The following MARCHF10 variants were observed in gnomAD, a reference collection of about 807,000 sequenced individuals.
MARCHF10 encodes the protein membrane associated ring-CH-type finger 10.
MARCHF10 carries 64 observed loss-of-function variants against 76.2 expected under a neutral mutation model. The ratio of observed to expected loss-of-function variants is 0.84; its 90% CI spans 0.69 to 1.03. MARCHF10 has a LOEUF of 1.03. MARCHF10 is among the 50% of genes least tolerant of loss of function. The probability of loss-of-function intolerance (pLI) is 0.00; values close to 1 mark genes in which losing one functional copy is unlikely to be tolerated. For synonymous variants in MARCHF10, 340 were observed against 357.5 expected (o/e 0.95, Z 0.55); for missense variants, 875 against 958.0 (o/e 0.91, Z 1.14).
intron 8 of MARCHF10, among the ~76,000 whole-genome samples, chr17:62,716,157 G>T (rs1398357614): frequency 6.6e-6 from 1 of 152,216 alleles, no homozygotes; most frequent in African/African-American, 2.4e-5. Context: ...GGCCTGCATG[G>T]TCCTTGTTTT....
chr17:62,768,899 T>C (rs1316606679), intron 3 of MARCHF10, among the ~76,000 whole-genome samples: 3 of 152,230 alleles, frequency 2.0e-5, no homozygotes, highest in Non-Finnish European at 2.9e-5. Flanking sequence ...AGATGTCTTT[T>C]TGGGTATACA....
chr17:62,773,303 A>G (rs955844604), intron 3 of MARCHF10, among the ~76,000 whole-genome samples: 4 of 152,172 alleles, frequency 2.6e-5, no homozygotes, highest in African/African-American at 9.7e-5. Flanking sequence ...AGCTGCTGTG[A>G]GGTCAAGCAC....
chr17:62,708,243 C>CTTTTTTTTTTTTTTTTTTTTTT (rs60147578), intron 9 of MARCHF10, among the ~76,000 whole-genome samples: 1 of 144,568 alleles, frequency 6.9e-6, no homozygotes, highest in Non-Finnish European at 1.5e-5. Flanking sequence ...AAAGTAGGTT[C>CTTTTTTTTTTTTTTTTTTTTTT]TTTTTTTTTT....
At chr17:62,795,677 C>T (rs1478987021) in intron 2 of MARCHF10, among the ~76,000 whole-genome samples, 1 of 152,188 alleles carries the variant, frequency 6.6e-6, no homozygotes, top group East Asian at 1.9e-4. Flanking sequence ...GAATGGTTTA[C>T]ACAAGAGGTT....
intron 1 of MARCHF10, among the ~76,000 whole-genome samples, chr17:62,804,424 C>T (rs978401425): frequency 6.6e-6 from 1 of 152,022 alleles, no homozygotes; most frequent in African/African-American, 2.4e-5. Flanking sequence ...ATTTAGAGAA[C>T]AAGCCGCTGA....
At chr17:62,783,924 C>T (rs548510767) in intron 3 of MARCHF10, among the ~76,000 whole-genome samples, 4 of 152,318 alleles carry the variant, frequency 2.6e-5, no homozygotes, top group South Asian at 4.1e-4. Context: ...GATGGATTCA[C>T]AGCCGAATTC....
chr17:62,747,926 C>T (rs1287109420), intron 4 of MARCHF10, among the ~76,000 whole-genome samples: 1 of 152,178 alleles, frequency 6.6e-6, no homozygotes, highest in African/African-American at 2.4e-5. Flanking sequence ...CAAGATGTTG[C>T]CTCATGACCT....
intron 8 of MARCHF10, among the ~76,000 whole-genome samples, chr17:62,717,846 A>G (rs2147660099): frequency 6.6e-6 from 1 of 152,274 alleles, no homozygotes; most frequent in South Asian, 2.1e-4. Context: ...CTTCCCACCC[A>G]GATCCTGGCT....
At chr17:62,740,406 C>T (rs1003991127) in intron 5 of MARCHF10, among the ~76,000 whole-genome samples, 1 of 152,180 alleles carries the variant, frequency 6.6e-6, no homozygotes. Flanking sequence ...GTGTGCTTGA[C>T]CAATAGTTTC....
intron 2 of MARCHF10, among the ~76,000 whole-genome samples, chr17:62,794,288 C>T (rs2092948450): frequency 1.3e-5 from 2 of 152,150 alleles, no homozygotes; most frequent in Admixed American, 6.5e-5. Flanking sequence ...ACTGCTGCCT[C>T]CACCACCACT....
chr17:62,732,014 A>T (rs2091045022), intron 6 of MARCHF10, among the ~76,000 whole-genome samples: 1 of 152,220 alleles, frequency 6.6e-6, no homozygotes, highest in Non-Finnish European at 1.5e-5. Context: ...CAAAGAGTTA[A>T]AATTAGAATT....
chr17:62,805,878 C>A (rs2093155173), intron 1 of MARCHF10, among the ~76,000 whole-genome samples: 2 of 150,480 alleles, frequency 1.3e-5, no homozygotes. Flanking sequence ...CACCACTGCA[C>A]TCCAGAGAGA....
At chr17:62,799,835 G>A (rs757038453) in intron 2 of MARCHF10, among the ~76,000 whole-genome samples, 4 of 152,062 alleles carry the variant, frequency 2.6e-5, no homozygotes, top group Non-Finnish European at 4.4e-5. Context: ...CTGGGTTCAT[G>A]TGTTCCAGCC....
chr17:62,800,966 T>C (rs376326269), intron 2 of MARCHF10, among the ~76,000 whole-genome samples: 3 of 152,310 alleles, frequency 2.0e-5, no homozygotes, highest in East Asian at 3.9e-4. Flanking sequence ...TTACAAATGG[T>C]AGGGCGACCC....
At chr17:62,774,609 G>A (rs2092513178) in intron 3 of MARCHF10, among the ~76,000 whole-genome samples, 1 of 152,152 alleles carries the variant, frequency 6.6e-6, no homozygotes, top group African/African-American at 2.4e-5. Context: ...CTGCGCTGCA[G>A]GGAGGATGCA....
rs138318802 is a variant in MARCHF10 at position 62,782,667 on chromosome 17, A to G, written c.210+5813T>C. ...GCCAAACGACTGTATTTTAATAAAAATTGGGCTAGGGGTTCAAATCTGGGA... is the reference window on the plus strand; with the variant it reads ...GCCAAACGACTGTATTTTAATAAAAGTTGGGCTAGGGGTTCAAATCTGGGA... On this transcript the variant is annotated intron_variant, in intron 3 of 10. Transcript: ENST00000311269. 2.0e-3 allele frequency among the ~76,000 whole-genome samples: 306 copies of G among 152,180 alleles called. 1 individual carries two copies. Among genetic ancestry groups the G allele is most frequent in the African/African-American group, 7.2e-3 (297 of 41,532 alleles).
chr17:62,770,132 T>C (rs1260220475), intron 3 of MARCHF10, among the ~76,000 whole-genome samples: 1 of 152,226 alleles, frequency 6.6e-6, no homozygotes, highest in Non-Finnish European at 1.5e-5. Flanking sequence ...TGGGTTTTTG[T>C]TCCTGCGTTA....
chr17:62,789,049 G>A (rs1374206796), intron 2 of MARCHF10, among the ~76,000 whole-genome samples: 1 of 107,602 alleles, frequency 9.3e-6, no homozygotes, highest in African/African-American at 3.7e-5. Context: ...CGGCCTGGGC[G>A]ACAGAGCGAG....
intron 3 of MARCHF10, among the ~76,000 whole-genome samples, chr17:62,784,987 G>C (rs1217131060): frequency 3.9e-5 from 6 of 152,080 alleles, no homozygotes; most frequent in Non-Finnish European, 7.4e-5. Context: ...TCCCCATCAA[G>C]CTACCAGTGA....
Sources: gnomAD v4.1 joint callset for allele counts (sites outside exome capture counted in the v4.1 genomes callset) on GRCh38, gnomAD v4.1.1 for gene constraint, MANE v1.5 for transcripts, NCBI Gene and HGNC (gene_info 2026-07-23, HGNC 2026-07-21) for gene names.